Variants in NLRC4 observed in about 807,000 individuals in gnomAD.
NLRC4 encodes NLR family CARD domain-containing protein 4.
A neutral mutation model predicts 79.9 loss-of-function variants in NLRC4; 63 were observed. That is an observed-to-expected ratio of 0.79 (90% CI 0.64 to 0.97). The LOEUF is 0.97. NLRC4 is among the 50% of genes least tolerant of loss of function. The probability of loss-of-function intolerance (pLI) is 0.00; values close to 1 mark genes in which losing one functional copy is unlikely to be tolerated. For synonymous variants in NLRC4, 461 were observed against 456.5 expected (o/e 1.01, Z -0.12); for missense variants, 1,074 against 1,215.2 (o/e 0.88, Z 1.73).
chr2:32,237,337 G>A (rs1686696216), intron 6 of NLRC4, among the ~76,000 whole-genome samples: 1 of 152,094 alleles, frequency 6.6e-6, no homozygotes, highest in Non-Finnish European at 1.5e-5. Context: ...AAAACCTGCT[G>A]AACTTCTCTT....
chr2:32,261,764 C>A (rs1687356013), intron 1 of NLRC4, among the ~76,000 whole-genome samples: 1 of 151,904 alleles, frequency 6.6e-6, no homozygotes, highest in Non-Finnish European at 1.5e-5. Flanking sequence ...AAAACTGATT[C>A]ATTAACAATA....
intron 8 of NLRC4, among the ~76,000 whole-genome samples, chr2:32,230,289 A>G (rs1686499877): frequency 1.3e-5 from 2 of 152,178 alleles, no homozygotes; most frequent in Non-Finnish European, 2.9e-5. Flanking sequence ...ATACAGAAAC[A>G]CAGTAAGATT....
rs1254507746 is a variant in NLRC4, at chr2:32,250,660, A to G, written c.1204T>C (p.Phe402Leu). The change falls in exon 4 of 9, where the codon TTC (phenylalanine) becomes CTC (leucine). Residue 402 changes from phenylalanine (F) to leucine (L), a missense_variant. By Grantham distance (22) the Phe-to-Leu change is conservative (BLOSUM62 0). Coordinates refer to ENST00000402280, the MANE Select transcript of NLRC4 (RefSeq NM_001199138.2). This position sits in a 1 kb window ranked among gnomAD's most constrained non-coding sequence, Gnocchi z 4.9. ...AGTTCGAAATCAAACTTGTGGGAGA[A>G]CACACCCTCCAGAGCTAGGTCTCCA... ...HCGDLALEGV[F>L]SHKFDFELQD... 6.2e-7 allele frequency: 1 copy of G among 1,614,190 alleles called. No individual in the cohort carries two copies. Among genetic ancestry groups the G allele is most frequent in the Non-Finnish European group, 8.5e-7 (1 of 1,180,034 alleles).
At chr2:32,255,580 C>A (rs1687189862) in intron 2 of NLRC4, among the ~76,000 whole-genome samples, 1 of 150,682 alleles carries the variant, frequency 6.6e-6, no homozygotes, top group African/African-American at 2.4e-5. Context: ...CCCACACACA[C>A]ACAAGTTCAC....
At chr2:32,238,072 A>G in intron 6 of NLRC4, 60 bp downstream of exon 6, 2 of 1,260,828 alleles carry the variant, frequency 1.6e-6, no homozygotes, top group Non-Finnish European at 2.2e-6. Flanking sequence ...GTGAATTAGT[A>G]TAATAGTATC....
chr2:32,225,409 ATGTGTGTGTGTGTGTGTGTG>A (rs35323064), intron 8 of NLRC4, among the ~76,000 whole-genome samples: 3 of 149,080 alleles, frequency 2.0e-5, no homozygotes, highest in Non-Finnish European at 1.5e-5. Context: ...CATACAAAGG[ATGTGTGTGTGTGTGTGTGTG>A]TGTGTGTGTG....
At position 32,238,127 on chromosome 2, in the gene NLRC4, G is replaced by A. The variant is rs1453567511; in HGVS notation, c.2521+5C>T. 6.2e-7 allele frequency: 1 copy of A among 1,611,616 alleles called. No individual in the cohort carries two copies. The highest frequency in any genetic ancestry group is 8.5e-7 in the Non-Finnish European group (1 of 1,178,638). ...CCTCATTCAGTTAATGGAAGCAACAGTTACCTAGGATTTTCACTGCATTTG... is the reference window on the plus strand; with the variant it reads ...CCTCATTCAGTTAATGGAAGCAACAATTACCTAGGATTTTCACTGCATTTG... On this transcript the variant is annotated splice_donor_5th_base_variant and intron_variant, in intron 6 of 8. Transcript: ENST00000402280.
chr2:32,257,423 C>A (rs904283006), intron 1 of NLRC4, among the ~76,000 whole-genome samples: 1 of 151,956 alleles, frequency 6.6e-6, no homozygotes, highest in African/African-American at 2.4e-5. Context: ...GCCTGACCAA[C>A]ATGGTGAATC....
rs765074900 is a variant in NLRC4 at position 32,224,540 on chromosome 2, A to G, written c.3008T>C (p.Val1003Ala). ...ATCATCATCATCAAATTGCCACCCA[A>G]CAAGCCTAGCTTCTTGCAGAAAAGT... The part of the protein sequence containing the change: ...KLTFLQEARL[V>A]GWQFDDDDLS... Residue 1003 changes from valine (V) to alanine (A), a missense_variant, in exon 9 of 9, where the codon GTT becomes GCT. By Grantham distance (64) the Val-to-Ala change is moderately conservative (BLOSUM62 0). Transcript: ENST00000402280. 3.7e-6 allele frequency: 6 copies of G among 1,613,838 alleles called. No homozygotes were observed. In the South Asian group the frequency reaches 4.4e-5, roughly 12 times the overall value.
At chr2:32,241,754 C>T (rs925447103) in intron 4 of NLRC4, among the ~76,000 whole-genome samples, 4 of 149,946 alleles carry the variant, frequency 2.7e-5, no homozygotes, top group African/African-American at 9.9e-5. Flanking sequence ...GAAGAAGTCT[C>T]ATGGAAACTT....
chr2:32,257,001 GA>G (rs1687222142), intron 1 of NLRC4, 108 bp from the exon 2 acceptor site: 2 of 490,080 alleles, frequency 4.1e-6, no homozygotes, highest in Non-Finnish European at 7.3e-6. Context: ...ACCCAAACCA[GA>G]AAAAAACTCG....
intron 4 of NLRC4, among the ~76,000 whole-genome samples, chr2:32,248,511 T>C (rs1349280512): frequency 1.3e-5 from 2 of 152,316 alleles, no homozygotes; most frequent in East Asian, 1.9e-4. Context: ...GTCATTCAGC[T>C]CTACGCTTAA....
At chr2:32,262,862 C>T (rs1036153034) in intron 1 of NLRC4, among the ~76,000 whole-genome samples, 1 of 151,552 alleles carries the variant, frequency 6.6e-6, no homozygotes, top group African/African-American at 2.4e-5. Context: ...CGCAAGCTGT[C>T]CAGTGAATAA....
At chr2:32,229,885 G>A (rs1219952667) in intron 8 of NLRC4, among the ~76,000 whole-genome samples, 1 of 152,202 alleles carries the variant, frequency 6.6e-6, no homozygotes, top group Non-Finnish European at 1.5e-5. Context: ...GTAGCAGATG[G>A]TCAGGAAATG....
At chr2:32,226,698 T>C (rs1573464686) in intron 8 of NLRC4, among the ~76,000 whole-genome samples, 1 of 152,154 alleles carries the variant, frequency 6.6e-6, no homozygotes, top group African/African-American at 2.4e-5. Context: ...CTGACCAACA[T>C]GGAGAAACCC....
At chr2:32,229,582 A>C (rs1249830152) in intron 8 of NLRC4, among the ~76,000 whole-genome samples, 1 of 152,202 alleles carries the variant, frequency 6.6e-6, no homozygotes, top group African/African-American at 2.4e-5. Flanking sequence ...AGTCAAGCAA[A>C]ACATGGCAAA....
chr2:32,255,849 C>G (rs972921214), intron 2 of NLRC4, among the ~76,000 whole-genome samples: 6 of 151,800 alleles, frequency 4.0e-5, no homozygotes, highest in Non-Finnish European at 7.4e-5. Context: ...CTCGTCTCTA[C>G]TAAAAATACA....
At position 32,224,667 on chromosome 2, in the gene NLRC4, A is replaced by T; in HGVS notation, c.2881T>A (p.Phe961Ile). The stretch of plus-strand genomic sequence containing the variant: ...AACACTAATTGCTTAAGATTCTCAA[A>T]TACACCCATGAAGGCAAGCCATCCA... ...SDGWLAFMGV[F>I]ENLKQLVFFD... Residue 961 changes from phenylalanine (F) to isoleucine (I), a missense_variant, in exon 9 of 9, where the codon TTT becomes ATT. Physicochemically the swap from Phe to Ile is conservative, Grantham distance 21 (BLOSUM62 0). Coordinates refer to ENST00000402280, the MANE Select transcript of NLRC4 (RefSeq NM_001199138.2). 6.2e-7 allele frequency: 1 copy of T among 1,613,276 alleles called. No homozygotes were observed. Among genetic ancestry groups the T allele is most frequent in the Non-Finnish European group, 8.5e-7 (1 of 1,179,316 alleles).
Position 32,231,574 on chromosome 2 carries a change from T to TGGG in NLRC4, c.2782+3824_2782+3826dup, listed in dbSNP as rs759316485. Among the ~76,000 whole-genome samples, 399 of 74,734 alleles carry TGGG rather than the reference T, an allele frequency of 5.3e-3. 7 individuals are homozygous for TGGG. The highest frequency in any genetic ancestry group is 7.5e-3 in the Non-Finnish European group (286 of 38,326). The allele number at this position is 74,734 out of a possible 152,430, so 49.0% of individuals were successfully genotyped here. On this transcript the variant is annotated intron_variant, in intron 8 of 8. Coordinates refer to ENST00000402280, the MANE Select transcript of NLRC4 (RefSeq NM_001199138.2). ...TTCTTTCTTTTTCTATTTTTTTTTGTGGGGGGGGGGTGGGGGACTGGGTGT... is the reference window on the plus strand; with the variant it reads ...TTCTTTCTTTTTCTATTTTTTTTTGTGGGGGGGGGGGGGTGGGGGACTGGGTGT...
Sources: gnomAD v4.1 joint callset for allele counts (sites outside exome capture counted in the v4.1 genomes callset) on GRCh38, gnomAD v4.1.1 for gene constraint, Gnocchi (gnomAD v3.1) non-coding constraint, MANE v1.5 for transcripts, NCBI Gene and HGNC (gene_info 2026-07-23, HGNC 2026-07-21) for gene names.